The following FHIT variants were observed in gnomAD, a reference collection of about 807,000 sequenced individuals.
FHIT encodes bis(5'-adenosyl)-triphosphatase.
In FHIT, 19 loss-of-function variants were observed where a neutral mutation model predicts 17.9. The observed-to-expected ratio is 1.06, with a 90% CI of 0.74 to 1.56. FHIT has a LOEUF of 1.56. FHIT is among the 40% of genes most tolerant of loss of function. The pLI is 0.00. For synonymous variants in FHIT, 81 were observed against 69.7 expected, an observed-to-expected ratio of 1.16 and a Z score of -0.81; for missense variants, 248 against 189.2, an observed-to-expected ratio of 1.31 and a Z score of -1.82.
chr3:60,862,340 A>AT lies in FHIT; in HGVS notation c.-110-40330dup, dbSNP rs1156712910. Among the ~76,000 whole-genome samples the AT allele has an allele frequency of 5.3e-5, 8 of 151,542 alleles. No homozygotes were observed. In the East Asian group the frequency reaches 7.8e-4, roughly 15 times the overall value. On this transcript the variant is annotated intron_variant, in intron 3 of 9. Transcript: ENST00000492590. Reference sequence around the variant, plus strand: ...ACCACCATGCCCAGCTAATTTTTGTATTTTTTTTATAGAGACGCGGTCTCA... The same window carrying AT: ...ACCACCATGCCCAGCTAATTTTTGTATTTTTTTTTATAGAGACGCGGTCTCA...
At chr3:61,145,462 CTTCT>C (rs2037199270) in intron 2 of FHIT, among the ~76,000 whole-genome samples, 1 of 151,974 alleles carries the variant, frequency 6.6e-6, no homozygotes, top group African/African-American at 2.4e-5. Context: ...AGTCTTCAAA[CTTCT>C]TTCTTCTTTT....
intron 5 of FHIT, among the ~76,000 whole-genome samples, chr3:60,194,245 G>T (rs1702524568): frequency 6.6e-6 from 1 of 152,052 alleles, no homozygotes; most frequent in Non-Finnish European, 1.5e-5. Flanking sequence ...AGATTTATAG[G>T]CCAATGGAAC....
At chr3:60,548,536 A>T (rs1198488434) in intron 4 of FHIT, among the ~76,000 whole-genome samples, 1 of 152,204 alleles carries the variant, frequency 6.6e-6, no homozygotes, top group African/African-American at 2.4e-5. Context: ...AAACATTTCC[A>T]TCCCATTTCA....
intron 5 of FHIT, among the ~76,000 whole-genome samples, chr3:60,370,736 A>G (rs913725965): frequency 2.6e-5 from 4 of 152,030 alleles, no homozygotes; most frequent in South Asian, 2.1e-4. Context: ...CTCTAATGCA[A>G]TTTTTTAAAA....
intron 5 of FHIT, among the ~76,000 whole-genome samples, chr3:60,460,206 G>T (rs79509821): frequency 6.6e-6 from 1 of 152,070 alleles, no homozygotes; most frequent in Non-Finnish European, 1.5e-5. Context: ...CAAATCTGAT[G>T]AGGACTTATT....
chr3:60,301,841 C>G (rs140944432), intron 5 of FHIT, among the ~76,000 whole-genome samples: 69 of 152,172 alleles, frequency 4.5e-4, no homozygotes, highest in African/African-American at 1.6e-3. Flanking sequence ...TCTGTAAGGA[C>G]TGAAGTTCAA....
At chr3:60,059,511 C>T (rs946438806) in intron 5 of FHIT, among the ~76,000 whole-genome samples, 1 of 152,130 alleles carries the variant, frequency 6.6e-6, no homozygotes, top group African/African-American at 2.4e-5. Flanking sequence ...TTCACAGTGC[C>T]TGCTTGGGTC....
chr3:61,016,966 C>A (rs1044735253), intron 3 of FHIT, among the ~76,000 whole-genome samples: 19 of 152,094 alleles, frequency 1.2e-4, no homozygotes, highest in African/African-American at 4.6e-4. Context: ...AACCCTAATG[C>A]AAGAGTAGTA....
intron 5 of FHIT, among the ~76,000 whole-genome samples, chr3:60,069,759 G>A (rs1406063023): frequency 6.6e-6 from 1 of 152,080 alleles, no homozygotes; most frequent in East Asian, 1.9e-4. Flanking sequence ...TCAATCAACT[G>A]AAGTTCCCTC....
chr3:59,963,218 G>T (rs75901767), intron 7 of FHIT, among the ~76,000 whole-genome samples: 7,127 of 151,428 alleles, frequency 0.047, 237 homozygotes, highest in Admixed American at 0.1. Context: ...AATGAGCCGA[G>T]ATCACACCAC....
chr3:60,583,373 C>T (rs541685339), intron 4 of FHIT, among the ~76,000 whole-genome samples: 26 of 152,014 alleles, frequency 1.7e-4, no homozygotes, highest in Non-Finnish European at 2.6e-4. Flanking sequence ...CAAACGTTTT[C>T]TGTAAAGAGC....
chr3:61,049,172 CACAT>C (rs940641101), intron 2 of FHIT, among the ~76,000 whole-genome samples: 1 of 151,202 alleles, frequency 6.6e-6, no homozygotes, highest in African/African-American at 2.4e-5. Context: ...TTCATAATGA[CACAT>C]GCATGAAAAC....
chr3:60,967,001 A>G (rs186013686), intron 3 of FHIT, among the ~76,000 whole-genome samples: 11 of 152,352 alleles, frequency 7.2e-5, no homozygotes, highest in Non-Finnish European at 1.5e-4. Flanking sequence ...ATATTCCACA[A>G]TGGTCAGTAT....
intron 5 of FHIT, among the ~76,000 whole-genome samples, chr3:60,251,727 C>T (rs1301842053): frequency 6.6e-6 from 1 of 152,194 alleles, no homozygotes; most frequent in Non-Finnish European, 1.5e-5. Flanking sequence ...GTGTGGGCCA[C>T]TGCTCATGCC....
intron 8 of FHIT, among the ~76,000 whole-genome samples, chr3:59,849,109 G>A (rs1401133289): frequency 6.6e-6 from 1 of 152,176 alleles, no homozygotes; most frequent in Non-Finnish European, 1.5e-5. Context: ...AGTGGCTCAT[G>A]CCTGTAATCT....
chr3:60,619,600 C>CA (rs57198487), intron 4 of FHIT, among the ~76,000 whole-genome samples: 1,077 of 88,572 alleles, frequency 0.012, 50 homozygotes, highest in African/African-American at 0.027. Context: ...TACCCACATG[C>CA]AAAAAAAAAA....
chr3:59,923,266 G>T (rs1575702989), intron 7 of FHIT, among the ~76,000 whole-genome samples: 2 of 146,108 alleles, frequency 1.4e-5, no homozygotes, highest in East Asian at 4.0e-4. Context: ...CGTGAGGCAA[G>T]GTCTACTATG....
intron 3 of FHIT, among the ~76,000 whole-genome samples, chr3:60,822,333 A>G (rs886371241): frequency 3.3e-5 from 5 of 152,244 alleles, no homozygotes; most frequent in South Asian, 2.1e-4. Flanking sequence ...AGAACTGGAA[A>G]GTCCTGGCAC....
At chr3:60,312,231 G>A (rs979519253) in intron 5 of FHIT, among the ~76,000 whole-genome samples, 1 of 152,074 alleles carries the variant, frequency 6.6e-6, no homozygotes, top group Non-Finnish European at 1.5e-5. Context: ...AAACACCTGG[G>A]CTCAAGCAAT....
Sources: allele counts gnomAD v4.1 joint callset (sites outside exome capture counted in the v4.1 genomes callset), GRCh38; gene constraint gnomAD v4.1.1; transcripts MANE v1.5; gene names NCBI Gene and HGNC (gene_info 2026-07-23, HGNC 2026-07-21).